Variants in SURF4 observed in about 807,000 individuals in gnomAD.
SURF4 encodes the protein surfeit 4.
A neutral mutation model predicts 30.0 loss-of-function variants in SURF4; 3 were observed. The observed-to-expected ratio is 0.10, with a 90% CI of 0.05 to 0.26. SURF4 has a LOEUF of 0.26. Ranked by LOEUF, SURF4 falls within the 10% of genes least tolerant of loss-of-function variation. The pLI is 1.00. For synonymous variants in SURF4, 143 were observed against 139.9 expected, an observed-to-expected ratio of 1.02 and a Z score of -0.16; for missense variants, 217 against 350.8, an observed-to-expected ratio of 0.62 and a Z score of 3.05.
At chr9:133,373,861 T>C (rs1438064306) in intron 1 of SURF4, among the ~76,000 whole-genome samples, 3 of 128,788 alleles carry the variant, frequency 2.3e-5, no homozygotes, top group Non-Finnish European at 4.6e-5. Context: ...GGGGTTGCAG[T>C]GAGCCGAGAT....
intron 1 of SURF4, 85 bp downstream of exon 1, chr9:133,375,837 C>T: frequency 3.4e-6 from 4 of 1,191,486 alleles, no homozygotes; most frequent in Non-Finnish European, 4.2e-6. Context: ...CCGGGCCTGG[C>T]GCCCTGCGCT....
chr9:133,374,410 A>G (rs1165168609), intron 1 of SURF4, among the ~76,000 whole-genome samples: 1 of 151,840 alleles, frequency 6.6e-6, no homozygotes, highest in African/African-American at 2.4e-5. Flanking sequence ...AAAAATACAA[A>G]ATTGGCTGGG....
chr9:133,367,097 G>A (rs1227885702), intron 2 of SURF4, among the ~76,000 whole-genome samples, 162 bp downstream of exon 2: 1 of 152,226 alleles, frequency 6.6e-6, no homozygotes, highest in African/African-American at 2.4e-5. Flanking sequence ...ACCAAGGCTT[G>A]CAGAACCGGA....
intron 1 of SURF4, among the ~76,000 whole-genome samples, chr9:133,371,743 T>A (rs1837519604): frequency 1.3e-5 from 2 of 152,170 alleles, no homozygotes; most frequent in South Asian, 4.1e-4. Flanking sequence ...GCCACACCAG[T>A]CACCAGCATG....
rs2130091462 is a variant in SURF4 at position 133,363,730 on chromosome 9, C to T, written c.573G>A (p.Leu191=). ...SIVQNIVGTA[L]MILVAIGFKT... ...TAAAACCAATGGCCACTAAAATCAT[C>T]AGAGCTGTGCCCACGATGTTCTGGA... The change falls in exon 6 of 6, where the codon CTG becomes CTA. Residue 191 remains leucine, a synonymous_variant. Coordinates refer to ENST00000371989, the MANE Select transcript of SURF4 (RefSeq NM_033161.4). The surrounding 1 kb of genome is among the most constrained non-coding windows in gnomAD (Gnocchi z 4.3). The T allele has an allele frequency of 1.2e-6, 2 of 1,614,230 alleles. No individual in the cohort carries two copies. Among genetic ancestry groups the T allele is most frequent in the East Asian group, 4.5e-5 (2 of 44,886 alleles).
At chr9:133,371,506 A>G (rs1837506019) in intron 1 of SURF4, among the ~76,000 whole-genome samples, 1 of 152,214 alleles carries the variant, frequency 6.6e-6, no homozygotes, top group South Asian at 2.1e-4. Flanking sequence ...AATCCCAACT[A>G]TAGGAAAGAC....
chr9:133,371,656 C>A (rs2130191280), intron 1 of SURF4, among the ~76,000 whole-genome samples: 1 of 152,306 alleles, frequency 6.6e-6, no homozygotes, highest in South Asian at 2.1e-4. Flanking sequence ...TGAGTCAGCT[C>A]CTCTTTGCCT....
chr9:133,363,839 C>T lies in SURF4; in HGVS notation c.544-80G>A. 6.5e-7 allele frequency: 1 copy of T among 1,548,592 alleles called. No homozygotes were observed. ...TTATAAACAAAAGTTCCAGCTGCTG[C>T]ACGTCATGAAGTCTCTATCCATCAG... On this transcript the variant is annotated intron_variant, in intron 5 of 5. Coordinates refer to ENST00000371989, the MANE Select transcript of SURF4 (RefSeq NM_033161.4). This position sits in a 1 kb window ranked among gnomAD's most constrained non-coding sequence, Gnocchi z 4.3.
chr9:133,369,988 T>A (rs1295292875), intron 1 of SURF4, among the ~76,000 whole-genome samples: 1 of 152,210 alleles, frequency 6.6e-6, no homozygotes, highest in Middle Eastern at 3.4e-3. Context: ...TAGACTGCAA[T>A]CCATACCCAA....
upstream of SURF4, chr9:133,376,100 A>G (rs1837917707): frequency 5.8e-6 from 7 of 1,200,850 alleles, no homozygotes; most frequent in Non-Finnish European, 6.2e-6. Flanking sequence ...CTGCGGCTCC[A>G]GCGGCTGCCA....
Position 133,362,118 on chromosome 9 carries a change from C to T in SURF4, c.*1375G>A, listed in dbSNP as rs2130070794. On this transcript the variant is annotated 3_prime_UTR_variant, in exon 6 of 6. Coordinates refer to ENST00000371989, the MANE Select transcript of SURF4 (RefSeq NM_033161.4). ...AAAGCACTTATGAGCAGAAACCTGCCTCACCCCTGCCCTGCAGAGCCAATG... is the reference window on the plus strand; with the variant it reads ...AAAGCACTTATGAGCAGAAACCTGCTTCACCCCTGCCCTGCAGAGCCAATG... The T allele has an allele frequency of 1.3e-5, 2 of 152,322 alleles. No individual in the cohort carries two copies. The highest frequency in any genetic ancestry group is 4.1e-4 in the South Asian group (2 of 4,828). The allele number at this position is 152,322 out of a possible 1,614,324, so 9.4% of individuals were successfully genotyped here. A position where few individuals can be genotyped will look rare whatever the true frequency, so the allele number is the denominator to read the frequency against.
chr9:133,377,407 G>T (rs1336761589), upstream of SURF4, among the ~76,000 whole-genome samples: 1 of 152,222 alleles, frequency 6.6e-6, no homozygotes, highest in African/African-American at 2.4e-5. Context: ...GCTCACGCCT[G>T]TAATCCCCAA....
chr9:133,375,038 G>C (rs2130232159), intron 1 of SURF4, among the ~76,000 whole-genome samples: 6 of 152,226 alleles, frequency 3.9e-5, no homozygotes, highest in African/African-American at 1.2e-4. Context: ...GATTCTTTTA[G>C]AAGTAAAAGG....
At chr9:133,367,214 G>C (rs1439696333) in intron 2 of SURF4, 45 bp downstream of exon 2, 2 of 1,599,714 alleles carry the variant, frequency 1.3e-6, no homozygotes, top group African/African-American at 2.7e-5. Flanking sequence ...AACGATCATG[G>C]AACAAGACGC....
At position 133,364,957 on chromosome 9, in the gene SURF4, A is replaced by T; in HGVS notation, c.426T>A (p.Phe142Leu). ...TCTCACGCATGGTGGGGACGCCCGC[A>T]AACATGCTCTTCCCTTCAGAACGGG... Reference protein sequence around the residue: ...AESRSEGKSMFAGVPTMRESS... With the variant: ...AESRSEGKSMLAGVPTMRESS... Residue 142 changes from phenylalanine to leucine, a missense_variant, in exon 5 of 6, where the codon TTT becomes TTA. By Grantham distance (22) the Phe-to-Leu change is conservative. Transcript: ENST00000371989. 1 of 1,612,788 alleles carries T rather than the reference A, an allele frequency of 6.2e-7. No individual in the cohort carries two copies. The highest frequency in any genetic ancestry group is 8.5e-7 in the Non-Finnish European group (1 of 1,179,366).
chr9:133,367,207 G>A (rs2130136743), intron 2 of SURF4, 52 bp downstream of exon 2: 25 of 1,591,100 alleles, frequency 1.6e-5, no homozygotes, highest in East Asian at 9.0e-5. Context: ...AACTGCTAAC[G>A]ATCATGGAAC....
intron 4 of SURF4, 56 bp from the exon 5 acceptor site, chr9:133,365,082 G>A: frequency 7.0e-7 from 1 of 1,434,644 alleles, no homozygotes; most frequent in African/African-American, 1.4e-5. Context: ...TGGCCTGTCT[G>A]TGAGACCAGG....
chr9:133,364,419 G>A (rs2130102329), intron 5 of SURF4, among the ~76,000 whole-genome samples: 6 of 152,176 alleles, frequency 3.9e-5, no homozygotes, highest in Non-Finnish European at 8.8e-5. Context: ...CGCCGAGCAC[G>A]GTGGCTCACG....
chr9:133,367,762 G>A (rs2130150120), intron 1 of SURF4, among the ~76,000 whole-genome samples: 8 of 152,234 alleles, frequency 5.3e-5, no homozygotes, highest in Non-Finnish European at 8.8e-5. Flanking sequence ...CCAGTGCCTC[G>A]GCAGGCAACT....
Sources: gnomAD v4.1 joint callset for allele counts (sites outside exome capture counted in the v4.1 genomes callset) on GRCh38, gnomAD v4.1.1 for gene constraint, Gnocchi (gnomAD v3.1) non-coding constraint, MANE v1.5 for transcripts, NCBI Gene and HGNC (gene_info 2026-07-23, HGNC 2026-07-21) for gene names.